The following MED27 variants were observed in gnomAD, a reference collection of about 807,000 sequenced individuals.
MED27 encodes mediator complex subunit 27, also known as mediator of RNA polymerase II transcription subunit 27.
A neutral mutation model predicts 38.2 loss-of-function variants in MED27; 30 were observed. That is an observed-to-expected ratio of 0.79 (90% CI 0.59 to 1.07). The LOEUF (loss-of-function observed/expected upper bound fraction) is 1.07, where lower values mean the gene tolerates loss of function less well. MED27 is among the 50% of genes least tolerant of loss of function. The pLI, the probability that MED27 is intolerant of heterozygous loss-of-function variation, is 0.00. For missense variants in MED27, 289 were observed against 397.5 expected, an observed-to-expected ratio of 0.73 and a Z score of 2.32; for synonymous variants, 122 against 153.5, an observed-to-expected ratio of 0.79 and a Z score of 1.52.
chr9:132,041,538 C>T (rs563380973), intron 2 of MED27, among the ~76,000 whole-genome samples: 1 of 152,200 alleles, frequency 6.6e-6, no homozygotes, highest in Non-Finnish European at 1.5e-5. Context: ...AGCTCAGTCG[C>T]TCCCCATCTT....
At chr9:131,891,987 T>C (rs954894235) in intron 5 of MED27, among the ~76,000 whole-genome samples, 1 of 151,980 alleles carries the variant, frequency 6.6e-6, no homozygotes, top group Non-Finnish European at 1.5e-5. Context: ...TTAACCAAGA[T>C]AAGGAAAAGA....
intron 6 of MED27, among the ~76,000 whole-genome samples, chr9:131,863,434 G>A (rs1182558570): frequency 2.0e-5 from 3 of 152,226 alleles, no homozygotes; most frequent in African/African-American, 7.2e-5. Flanking sequence ...AGCGGCCAGA[G>A]GCCAGTGGGG....
At chr9:131,869,975 A>G (rs1266975144) in intron 6 of MED27, among the ~76,000 whole-genome samples, 1 of 152,066 alleles carries the variant, frequency 6.6e-6, no homozygotes, top group Non-Finnish European at 1.5e-5. Context: ...GAGCTTAGGG[A>G]GGGAGTAGGG....
chr9:131,924,515 A>G (rs995980810), intron 4 of MED27, among the ~76,000 whole-genome samples: 7 of 152,172 alleles, frequency 4.6e-5, no homozygotes, highest in Non-Finnish European at 1.0e-4. Context: ...ATTTTCTCCC[A>G]GCTTGGCTGT....
chr9:132,065,976 A>G (rs1287377863), intron 2 of MED27, among the ~76,000 whole-genome samples: 2 of 152,232 alleles, frequency 1.3e-5, no homozygotes, highest in African/African-American at 4.8e-5. Flanking sequence ...ATGAGATGTG[A>G]TGCCCAACCT....
At chr9:131,877,839 A>G (rs938612869) in intron 6 of MED27, among the ~76,000 whole-genome samples, 9 of 152,210 alleles carry the variant, frequency 5.9e-5, no homozygotes, top group East Asian at 1.9e-4. Flanking sequence ...CACCAACGCA[A>G]TATCAGGTGT....
chr9:132,026,419 G>T (rs1254088238), intron 2 of MED27, among the ~76,000 whole-genome samples: 1 of 152,226 alleles, frequency 6.6e-6, no homozygotes, highest in Non-Finnish European at 1.5e-5. Flanking sequence ...AAGCCTTTCT[G>T]AAACACCTTT....
At chr9:131,981,791 C>T (rs1831743218) in intron 3 of MED27, among the ~76,000 whole-genome samples, 2 of 152,166 alleles carry the variant, frequency 1.3e-5, no homozygotes, top group African/African-American at 4.8e-5. Flanking sequence ...GGGCACACGG[C>T]GGCCAAGGAG....
chr9:132,054,174 A>G (rs959041332), intron 2 of MED27, among the ~76,000 whole-genome samples: 1 of 151,570 alleles, frequency 6.6e-6, no homozygotes, highest in Admixed American at 6.6e-5. Flanking sequence ...GCCTGAAGGG[A>G]GGTGTTTGGG....
chr9:131,967,665 ATTTTTT>A (rs764682963), intron 3 of MED27, among the ~76,000 whole-genome samples: 1 of 123,034 alleles, frequency 8.1e-6, no homozygotes, highest in Non-Finnish European at 1.8e-5. Context: ...CTAATTTTGT[ATTTTTT>A]TTTTTTTTTT....
At chr9:131,878,691 C>T (rs1210682271) in intron 6 of MED27, among the ~76,000 whole-genome samples, 2 of 152,148 alleles carry the variant, frequency 1.3e-5, no homozygotes, top group African/African-American at 4.8e-5. Flanking sequence ...GATGAAAATG[C>T]ACAGAGTTTT....
chr9:132,067,515 C>T (rs963774508), intron 2 of MED27, among the ~76,000 whole-genome samples: 9 of 152,008 alleles, frequency 5.9e-5, no homozygotes, highest in African/African-American at 9.7e-5. Flanking sequence ...CCTTGGGGAA[C>T]GACAATTACT....
intron 6 of MED27, among the ~76,000 whole-genome samples, chr9:131,864,677 C>T (rs939766245): frequency 6.6e-6 from 1 of 152,258 alleles, no homozygotes; most frequent in Non-Finnish European, 1.5e-5. Context: ...AGGGTCCGCG[C>T]CCCGCACGGT....
intron 2 of MED27, among the ~76,000 whole-genome samples, chr9:132,015,543 T>C (rs1832582389): frequency 6.6e-6 from 1 of 152,210 alleles, no homozygotes; most frequent in African/African-American, 2.4e-5. Flanking sequence ...GACAAATGTA[T>C]ATACCTGTAT....
At chr9:132,054,243 A>G (rs780475466) in intron 2 of MED27, among the ~76,000 whole-genome samples, 2 of 151,946 alleles carry the variant, frequency 1.3e-5, no homozygotes, top group African/African-American at 2.4e-5. Flanking sequence ...CGTCTCCTTT[A>G]AAAGTGTGCG....
intron 3 of MED27, among the ~76,000 whole-genome samples, chr9:131,994,366 G>A (rs1589254990): frequency 6.6e-6 from 1 of 152,184 alleles, no homozygotes; most frequent in African/African-American, 2.4e-5. Context: ...CCCTGCTTCT[G>A]CACTGCCTCC....
At chr9:132,006,971 C>A (rs972291562) in intron 3 of MED27, among the ~76,000 whole-genome samples, 2 of 152,188 alleles carry the variant, frequency 1.3e-5, no homozygotes, top group Middle Eastern at 3.2e-3. Flanking sequence ...TCTGGATAAG[C>A]ACCATGTGTA....
At chr9:131,952,715 T>C (rs1831023371) in intron 3 of MED27, among the ~76,000 whole-genome samples, 1 of 152,210 alleles carries the variant, frequency 6.6e-6, no homozygotes, top group Non-Finnish European at 1.5e-5. Flanking sequence ...ATCATAGCTC[T>C]GTCAGGATCC....
At chr9:132,063,861 G>A (rs191938067) in intron 2 of MED27, among the ~76,000 whole-genome samples, 6 of 152,248 alleles carry the variant, frequency 3.9e-5, no homozygotes, top group South Asian at 2.1e-4. Context: ...TTCACCACCC[G>A]GAAAAAGGAG....
Sources: allele counts gnomAD v4.1 joint callset (sites outside exome capture counted in the v4.1 genomes callset), GRCh38; gene constraint gnomAD v4.1.1; transcripts MANE v1.5; gene names NCBI Gene and HGNC (gene_info 2026-07-23, HGNC 2026-07-21).